Variants in CCDC73 observed in about 807,000 individuals in gnomAD.
CCDC73 encodes coiled-coil domain containing 73, also known as coiled-coil domain-containing protein 73.
Under a neutral mutation model 116.5 loss-of-function variants are expected in CCDC73, and 95 were observed. The observed-to-expected ratio is 0.82, with a 90% CI of 0.69 to 0.97. The LOEUF is 0.97. CCDC73 is among the 50% of genes least tolerant of loss of function. The probability of loss-of-function intolerance (pLI) is 0.00; values close to 1 mark genes in which losing one functional copy is unlikely to be tolerated. For synonymous variants in CCDC73, 398 were observed against 401.3 expected (o/e 0.99, Z 0.10); for missense variants, 1,066 against 1,206.8 (o/e 0.88, Z 1.73).
intron 12 of CCDC73, among the ~76,000 whole-genome samples, chr11:32,645,287 TTTTC>T (rs1314066918): frequency 1.1e-5 from 1 of 89,786 alleles, no homozygotes; most frequent in Non-Finnish European, 2.4e-5. Flanking sequence ...TTCTTTTTCT[TTTTC>T]TTTTTTTTTT....
intron 6 of CCDC73, 25 bp from the exon 7 acceptor site, chr11:32,683,599 T>G: frequency 7.6e-7 from 1 of 1,316,970 alleles, no homozygotes; most frequent in Non-Finnish European, 1.1e-6. Context: ...GGGAAAAATC[T>G]CATTAAAATA....
At chr11:32,810,966 A>G in the CCDC73 span, among the ~76,000 whole-genome samples, 1 of 151,888 alleles carries the variant, frequency 6.6e-6, no homozygotes, top group Admixed American at 6.6e-5. Flanking sequence ...CCCCATCTCT[A>G]CTAAGAATGC....
At chr11:32,812,870 A>T in the CCDC73 span, among the ~76,000 whole-genome samples, 5 of 151,878 alleles carry the variant, frequency 3.3e-5, no homozygotes, top group East Asian at 7.7e-4. Flanking sequence ...ACCAAACTGT[A>T]ACTGAAATTT....
At chr11:32,662,992 G>T (rs1403394833) in intron 9 of CCDC73, among the ~76,000 whole-genome samples, 2 of 152,062 alleles carry the variant, frequency 1.3e-5, no homozygotes, top group Non-Finnish European at 2.9e-5. Flanking sequence ...AAGATCAGAT[G>T]GTTGTAGATG....
At chr11:32,762,047 G>A (rs10767962) in intron 1 of CCDC73, among the ~76,000 whole-genome samples, 88,135 of 151,510 alleles carry the variant, frequency 0.58, 25,921 homozygotes, top group East Asian at 0.84. Flanking sequence ...GTTAATCACA[G>A]CCATAAAATA....
chr11:32,707,804 A>C (rs917905764), intron 3 of CCDC73, among the ~76,000 whole-genome samples: 6 of 152,322 alleles, frequency 3.9e-5, no homozygotes, highest in African/African-American at 1.4e-4. Flanking sequence ...GAGACAATTA[A>C]GAATTTTTCT....
chr11:32,782,734 C>A (rs1464195624), intron 1 of CCDC73, among the ~76,000 whole-genome samples: 3 of 151,982 alleles, frequency 2.0e-5, no homozygotes, highest in Non-Finnish European at 4.4e-5. Flanking sequence ...TTCAGTACAG[C>A]ATCAACTTTC....
At chr11:32,716,135 T>C (rs1230593603) in intron 3 of CCDC73, among the ~76,000 whole-genome samples, 1 of 152,198 alleles carries the variant, frequency 6.6e-6, no homozygotes, top group Non-Finnish European at 1.5e-5. Flanking sequence ...ACAAGTTGTT[T>C]GGTGATATTT....
At chr11:32,758,408 C>A in intron 2 of CCDC73, 1 of 499,854 alleles carries the variant, frequency 2.0e-6, no homozygotes, top group South Asian at 1.5e-5. Flanking sequence ...CTCCACGTGG[C>A]ATGCCTCCAA....
rs753673970 is a variant in CCDC73 at position 32,615,903 on chromosome 11, T to C, written c.1375+37A>G. 10 of 1,466,140 alleles carry C rather than the reference T, an allele frequency of 6.8e-6. No individual in the cohort carries two copies. In the East Asian group the frequency reaches 1.7e-4, roughly 25 times the overall value. 90.8% of individuals were successfully genotyped at this position (1,466,140 alleles called of 1,614,324 possible). A position where few individuals can be genotyped will look rare whatever the true frequency, so the allele number is the denominator to read the frequency against. ...AAAATATTTACTGTAAATATCAACATACAAATTAGAAAATATCAATATAAT... is the reference window on the plus strand; with the variant it reads ...AAAATATTTACTGTAAATATCAACACACAAATTAGAAAATATCAATATAAT... On this transcript the variant is annotated intron_variant, in intron 15 of 17. Transcript: ENST00000335185.
intron 3 of CCDC73, among the ~76,000 whole-genome samples, chr11:32,709,919 G>A (rs1849884986): frequency 6.6e-6 from 1 of 152,058 alleles, no homozygotes; most frequent in African/African-American, 2.4e-5. Context: ...ATATCTTCCT[G>A]GTTTAATCTA....
rs541619231 is a variant in CCDC73, at chr11:32,782,197, T to C, written c.-16+12416A>G. Among the ~76,000 whole-genome samples the C allele has an allele frequency of 1.3e-4, 20 of 152,288 alleles. 1 individual carries two copies. The South Asian group carries it at 3.9e-3, about 30-fold the overall frequency. ...CAGGGCTCCCACTGACTCTACATTATGGTGAGTTGTATAATTATTTCATTA... is the reference window on the plus strand; with the variant it reads ...CAGGGCTCCCACTGACTCTACATTACGGTGAGTTGTATAATTATTTCATTA... On this transcript the variant is annotated intron_variant, in intron 1 of 17. Transcript: ENST00000335185.
chr11:32,781,092 G>A lies in CCDC73; in HGVS notation c.-16+13521C>T, dbSNP rs146508585. Among the ~76,000 whole-genome samples the A allele has an allele frequency of 2.9e-3, 446 of 152,226 alleles. 1 individual carries two copies. Among genetic ancestry groups the A allele is most frequent in the African/African-American group, 1.0e-2 (415 of 41,540 alleles). Reference sequence around the variant, plus strand: ...GGACGTTGCAGTGAGCCAAGATCATGCCACTGCATTCCAGCCTGGGCAACA... The same window carrying A: ...GGACGTTGCAGTGAGCCAAGATCATACCACTGCATTCCAGCCTGGGCAACA... On this transcript the variant is annotated intron_variant, in intron 1 of 17. Transcript: ENST00000335185.
chr11:32,750,729 G>A (rs1038462012), intron 2 of CCDC73, among the ~76,000 whole-genome samples: 4 of 152,096 alleles, frequency 2.6e-5, no homozygotes, highest in Non-Finnish European at 2.9e-5. Context: ...TCTGGCCCAG[G>A]GTAGGTCCAG....
intron 2 of CCDC73, among the ~76,000 whole-genome samples, chr11:32,749,737 C>G (rs1356677267): frequency 6.6e-6 from 1 of 152,106 alleles, no homozygotes; most frequent in Non-Finnish European, 1.5e-5. Context: ...CGCATCTGCA[C>G]TAGGGGGCAC....
At chr11:32,755,107 C>T (rs1235392976) in intron 2 of CCDC73, among the ~76,000 whole-genome samples, 5 of 147,458 alleles carry the variant, frequency 3.4e-5, no homozygotes, top group South Asian at 2.2e-4. Context: ...AGGCTGGCCT[C>T]GATCTCCTGA....
At chr11:32,829,800 C>T in the CCDC73 span, 1 of 985,418 alleles carries the variant, frequency 1.0e-6, no homozygotes, top group Non-Finnish European at 1.2e-6. Flanking sequence ...GAAGCTGGGG[C>T]GGCTGAGAGC....
intron 1 of CCDC73, among the ~76,000 whole-genome samples, chr11:32,788,328 A>T (rs1420256656): frequency 6.6e-6 from 1 of 152,210 alleles, no homozygotes; most frequent in East Asian, 1.9e-4. Flanking sequence ...AAGACTAGAG[A>T]AGAGCAATAA....
chr11:32,655,026 A>G (rs1342111427), intron 9 of CCDC73, 54 bp from the exon 10 acceptor site: 23 of 1,070,512 alleles, frequency 2.1e-5, no homozygotes, highest in African/African-American at 3.9e-5. Context: ...TCACTAAAAC[A>G]AGGTACTTTC....
Sources: gnomAD v4.1 joint callset for allele counts (sites outside exome capture counted in the v4.1 genomes callset) on GRCh38, gnomAD v4.1.1 for gene constraint, MANE v1.5 for transcripts, NCBI Gene and HGNC (gene_info 2026-07-23, HGNC 2026-07-21) for gene names.